UNC5B: variants seen among roughly 807,000 people sequenced by gnomAD.
UNC5B encodes the protein netrin receptor UNC5B.
A neutral mutation model predicts 103.7 loss-of-function variants in UNC5B; 56 were observed. The observed-to-expected ratio is 0.54, with a 90% CI of 0.44 to 0.67. UNC5B has a LOEUF of 0.67. Among genes scored for constraint, UNC5B ranks in the 30% least tolerant of loss-of-function variants. UNC5B has a pLI of 0.00. For missense variants in UNC5B, 1,194 were observed against 1,284.5 expected, an observed-to-expected ratio of 0.93 and a Z score of 1.08; for synonymous variants, 577 against 542.0, an observed-to-expected ratio of 1.06 and a Z score of -0.90.
chr10:71,247,407 G>A (rs993967862), intron 1 of UNC5B, among the ~76,000 whole-genome samples: 1 of 152,216 alleles, frequency 6.6e-6, no homozygotes, highest in Non-Finnish European at 1.5e-5. Context: ...CCTTGCAGCA[G>A]TCCCCTCCAC....
At chr10:71,232,709 A>G (rs1843707243) in intron 1 of UNC5B, among the ~76,000 whole-genome samples, 1 of 152,238 alleles carries the variant, frequency 6.6e-6, no homozygotes, top group Admixed American at 6.5e-5. Context: ...TAGCCTTGGT[A>G]GCTGTGATAA....
intron 14 of UNC5B, among the ~76,000 whole-genome samples, 177 bp downstream of exon 14, chr10:71,296,137 G>A (rs527334674): frequency 3.4e-4 from 52 of 152,176 alleles, no homozygotes; most frequent in African/African-American, 8.7e-4. Context: ...CCCCAGGCAC[G>A]TCCCCAAATT....
At chr10:71,244,825 C>T (rs914783232) in intron 1 of UNC5B, among the ~76,000 whole-genome samples, 1 of 152,168 alleles carries the variant, frequency 6.6e-6, no homozygotes, top group Non-Finnish European at 1.5e-5. Flanking sequence ...GCGGCGGGGG[C>T]GTGCTGGCGT....
intron 1 of UNC5B, among the ~76,000 whole-genome samples, chr10:71,235,906 G>A (rs1165988448): frequency 1.3e-5 from 2 of 152,208 alleles, no homozygotes; most frequent in Non-Finnish European, 1.5e-5. Flanking sequence ...TCCCCACCTC[G>A]CCCACTGGCA....
At chr10:71,257,442 C>T (rs1440180198) in intron 1 of UNC5B, among the ~76,000 whole-genome samples, 1 of 152,246 alleles carries the variant, frequency 6.6e-6, no homozygotes, top group East Asian at 1.9e-4. Context: ...CCTCCAGGCC[C>T]ACCCAGGCGA....
chr10:71,249,491 T>C (rs766364458), intron 1 of UNC5B, among the ~76,000 whole-genome samples: 9 of 152,304 alleles, frequency 5.9e-5, no homozygotes, highest in Admixed American at 2.6e-4. Flanking sequence ...TTAAGCTGGG[T>C]TGGGCCCCTG....
intron 13 of UNC5B, among the ~76,000 whole-genome samples, chr10:71,294,319 C>T (rs1845352860): frequency 6.6e-6 from 1 of 152,204 alleles, no homozygotes; most frequent in Non-Finnish European, 1.5e-5. Context: ...AGCGTTTCAG[C>T]ATGACCAACT....
intron 2 of UNC5B, among the ~76,000 whole-genome samples, chr10:71,281,593 G>A (rs1445166967): frequency 6.6e-6 from 1 of 152,208 alleles, no homozygotes; most frequent in Non-Finnish European, 1.5e-5. Flanking sequence ...CCCGGCCTTG[G>A]CCTCCCAAAG....
intron 1 of UNC5B, among the ~76,000 whole-genome samples, chr10:71,270,561 G>T (rs1216970964): frequency 1.3e-5 from 2 of 152,166 alleles, no homozygotes; most frequent in Non-Finnish European, 2.9e-5. Flanking sequence ...CAAAAGGAAA[G>T]GTAGGGAGCC....
intron 1 of UNC5B, among the ~76,000 whole-genome samples, chr10:71,239,222 C>T (rs1018018091): frequency 2.0e-5 from 3 of 152,104 alleles, no homozygotes; most frequent in Admixed American, 6.5e-5. Flanking sequence ...GGCTTACTTG[C>T]GTTGGGATGG....
chr10:71,279,857 T>G lies in UNC5B; in HGVS notation c.116T>G (p.Phe39Cys). Residue 39 changes from phenylalanine (F) to cysteine (C), a missense_variant, in exon 2 of 17, where the codon TTC (phenylalanine) becomes TGC (cysteine). Transcript: ENST00000335350. ...DSGSEVLPDS[F>C]PSAPAEPLPY... ...GGCAGCGAGGTGCTCCCTGACTCCT[T>G]CCCGTCAGCGCCAGCAGAGCCGCTG... 3 of 1,613,738 alleles carry G rather than the reference T, an allele frequency of 1.9e-6. No individual in the cohort carries two copies. In the South Asian group the frequency reaches 3.3e-5, roughly 18 times the overall value.
At chr10:71,236,659 T>A (rs1486152164) in intron 1 of UNC5B, among the ~76,000 whole-genome samples, 1 of 152,214 alleles carries the variant, frequency 6.6e-6, no homozygotes, top group Non-Finnish European at 1.5e-5. Context: ...TGGGCTTCCC[T>A]GCCCGAGCCC....
At chr10:71,293,268 T>C in intron 11 of UNC5B, 137 bp from the exon 12 acceptor site, 1 of 985,302 alleles carries the variant, frequency 1.0e-6, no homozygotes, top group Non-Finnish European at 1.4e-6. Context: ...CCCCATGACC[T>C]CTGGGAATGC....
chr10:71,273,298 G>A (rs1844690230), intron 1 of UNC5B, among the ~76,000 whole-genome samples: 1 of 152,240 alleles, frequency 6.6e-6, no homozygotes, highest in Non-Finnish European at 1.5e-5. Flanking sequence ...TTATAGATGG[G>A]GAAACTGAGG....
chr10:71,241,173 G>T (rs988306507), intron 1 of UNC5B, among the ~76,000 whole-genome samples: 11 of 152,268 alleles, frequency 7.2e-5, no homozygotes, highest in African/African-American at 2.6e-4. Context: ...CAACCAGCTG[G>T]GTTTCATGTC....
chr10:71,272,792 C>T (rs1287178405), intron 1 of UNC5B, among the ~76,000 whole-genome samples: 1 of 152,246 alleles, frequency 6.6e-6, no homozygotes, highest in Non-Finnish European at 1.5e-5. Flanking sequence ...GCCAAGGAAA[C>T]AGTCTGTGGG....
intron 1 of UNC5B, among the ~76,000 whole-genome samples, chr10:71,223,385 G>A (rs1249863238): frequency 2.0e-5 from 3 of 152,132 alleles, no homozygotes; most frequent in Non-Finnish European, 4.4e-5. Flanking sequence ...AGAATTAGAA[G>A]ATTTTTTCAT....
chr10:71,219,637 A>G (rs1299632191), intron 1 of UNC5B, among the ~76,000 whole-genome samples: 3 of 152,158 alleles, frequency 2.0e-5, no homozygotes, highest in Non-Finnish European at 4.4e-5. Flanking sequence ...AATACTTTGC[A>G]TCCTTCCATC....
At chr10:71,215,684 G>C (rs1843314458) in intron 1 of UNC5B, among the ~76,000 whole-genome samples, 2 of 152,184 alleles carry the variant, frequency 1.3e-5, no homozygotes, top group South Asian at 2.1e-4. Context: ...AGCCCTTCCT[G>C]GAGCTTTTAA....
Sources: allele counts gnomAD v4.1 joint callset (sites outside exome capture counted in the v4.1 genomes callset), GRCh38; gene constraint gnomAD v4.1.1; transcripts MANE v1.5; gene names NCBI Gene and HGNC (gene_info 2026-07-23, HGNC 2026-07-21).